Variants in GEN1 observed in about 807,000 individuals in gnomAD.
GEN1 encodes GEN1 structure-specific endonuclease.
A neutral mutation model predicts 67.6 loss-of-function variants in GEN1; 64 were observed. The ratio of observed to expected loss-of-function variants is 0.95; its 90% CI spans 0.77 to 1.17. The LOEUF is 1.17. GEN1 is among the 50% of genes most tolerant of loss of function. The pLI is 0.00. For synonymous variants in GEN1, 371 were observed against 359.4 expected, an observed-to-expected ratio of 1.03 and a Z score of -0.37; for missense variants, 1,058 against 1,048.3, an observed-to-expected ratio of 1.01 and a Z score of -0.13.
chr2:17,771,854 T>G (rs1388552593), intron 7 of GEN1, among the ~76,000 whole-genome samples: 1 of 151,706 alleles, frequency 6.6e-6, no homozygotes, highest in East Asian at 1.9e-4. Flanking sequence ...CAAAAGAGAT[T>G]AGGATATCAT....
At chr2:17,761,664 CT>C in intron 3 of GEN1, 82 bp downstream of exon 3, 2 of 927,730 alleles carry the variant, frequency 2.2e-6, no homozygotes, top group Non-Finnish European at 3.2e-6. Context: ...ATCTTTAATA[CT>C]TATTAATTTT....
In GEN1 at chr2:17,780,749, C is replaced by G. The variant is rs769165697; in HGVS notation, c.1537C>G (p.Pro513Ala). 1.2e-6 allele frequency: 2 copies of G among 1,613,912 alleles called. No individual in the cohort carries two copies. The highest frequency in any genetic ancestry group is 1.7e-5 in the Admixed American group (1 of 60,012). Residue 513 changes from proline to alanine, a missense_variant, in exon 14 of 14, where the codon CCT becomes GCT. Physicochemically the swap from Pro to Ala is conservative, Grantham distance 27. Coordinates refer to ENST00000381254, the MANE Select transcript of GEN1 (RefSeq NM_001130009.3). ...QNSKLNSGISPDPTLPQESIS... is the reference protein window; with the variant it reads ...QNSKLNSGISADPTLPQESIS... The stretch of plus-strand genomic sequence containing the variant: ...TTCCAAGTTAAATTCGGGGATTTCC[C>G]CTGATCCTACATTACCACAGGAATC...
chr2:17,757,261 TTTA>T (rs1671472319), intron 1 of GEN1, among the ~76,000 whole-genome samples: 1 of 151,926 alleles, frequency 6.6e-6, no homozygotes, highest in African/African-American at 2.4e-5. Context: ...TTTTTTTTTT[TTTA>T]GGCATGGCTG....
chr2:17,766,681 C>T lies in GEN1; in HGVS notation c.628C>T (p.Leu210Phe). Residue 210 changes from leucine (L) to phenylalanine (F), a missense_variant, in exon 5 of 14, where the codon CTC becomes TTC. By Grantham distance (22) the Leu-to-Phe change is conservative. Transcript: ENST00000381254. Reference protein sequence around the residue: ...GLAILLGCDYLPKGVPGVGKE... With the variant: ...GLAILLGCDYFPKGVPGVGKE... Reference sequence around the variant, plus strand: ...AGCAATACTTCTTGGCTGTGATTATCTCCCAAAGGTAAGCTGAAATTGTCA... The same window carrying T: ...AGCAATACTTCTTGGCTGTGATTATTTCCCAAAGGTAAGCTGAAATTGTCA... The T allele has an allele frequency of 1.3e-6, 2 of 1,555,694 alleles. No homozygotes were observed. The highest frequency in any genetic ancestry group is 1.8e-6 in the Non-Finnish European group (2 of 1,128,048).
chr2:17,753,393 G>T (rs1671191327), upstream of GEN1, among the ~76,000 whole-genome samples: 1 of 152,230 alleles, frequency 6.6e-6, no homozygotes, highest in African/African-American at 2.4e-5. Flanking sequence ...CAGGTTTCCC[G>T]CGGCTCAGGA....
intron 5 of GEN1, among the ~76,000 whole-genome samples, chr2:17,767,966 ACT>A (rs1672009103): frequency 6.6e-6 from 1 of 152,050 alleles, no homozygotes; most frequent in African/African-American, 2.4e-5. Context: ...TGTGCCATAG[ACT>A]CTCTTTTTAG....
chr2:17,780,545 GTTTAT>G (rs1440848235), intron 13 of GEN1, 71 bp from the exon 14 acceptor site: 1 of 985,466 alleles, frequency 1.0e-6, no homozygotes, highest in Non-Finnish European at 1.5e-6. Flanking sequence ...TCTCTGAACT[GTTTAT>G]TTTTTTATTT....
At chr2:17,767,714 C>T (rs992027686) in intron 5 of GEN1, among the ~76,000 whole-genome samples, 2 of 152,146 alleles carry the variant, frequency 1.3e-5, no homozygotes, top group Non-Finnish European at 2.9e-5. Context: ...ACTTTAGCTA[C>T]AGTGGTATTT....
chr2:17,767,916 A>G (rs537621122), intron 5 of GEN1, among the ~76,000 whole-genome samples: 11 of 152,366 alleles, frequency 7.2e-5, no homozygotes, highest in African/African-American at 2.6e-4. Context: ...TGCCAAAGAC[A>G]TAGGCAATAG....
In GEN1 at chr2:17,763,380, A is replaced by C. The variant is rs1466420046; in HGVS notation, c.349-1517A>C. On this transcript the variant is annotated intron_variant, in intron 3 of 13. Coordinates refer to ENST00000381254, the MANE Select transcript of GEN1 (RefSeq NM_001130009.3). ...GAACCAGCATAAAACAAAAAAAGAG[A>C]TGTCCATCTCTTCTTAAGAAAATTG... 2.0e-5 allele frequency among the ~76,000 whole-genome samples: 3 copies of C among 152,162 alleles called. No individual in the cohort carries two copies. The East Asian group carries it at 5.8e-4, about 29-fold the overall frequency.
chr2:17,767,693 C>T (rs960810528), intron 5 of GEN1, among the ~76,000 whole-genome samples: 1 of 152,146 alleles, frequency 6.6e-6, no homozygotes, highest in African/African-American at 2.4e-5. Flanking sequence ...GACTTGAACT[C>T]ACAGAAACCA....
At chr2:17,757,387 A>ATT (rs949938846) in intron 1 of GEN1, among the ~76,000 whole-genome samples, 186 of 144,914 alleles carry the variant, frequency 1.3e-3, no homozygotes, top group African/African-American at 4.6e-3. Flanking sequence ...TTGCTGTTTT[A>ATT]TTTTTTTTTT....
At chr2:17,772,573 G>A in intron 7 of GEN1, 61 bp from the exon 8 acceptor site, 2 of 1,457,556 alleles carry the variant, frequency 1.4e-6, no homozygotes, top group Non-Finnish European at 1.9e-6. Flanking sequence ...CAAAAAGAAT[G>A]TATGTAGAAA....
intron 10 of GEN1, among the ~76,000 whole-genome samples, chr2:17,773,699 A>G (rs923613291): frequency 1.3e-5 from 2 of 152,046 alleles, no homozygotes; most frequent in African/African-American, 4.8e-5. Context: ...GTGACCCTGG[A>G]TGTGTGTTAT....
In GEN1 at chr2:17,781,339, T is replaced by G. The variant is rs755974502; in HGVS notation, c.2127T>G (p.Ala709=). Residue 709 remains alanine, a synonymous_variant, in exon 14 of 14, where the codon GCT becomes GCG. Coordinates refer to ENST00000381254, the MANE Select transcript of GEN1 (RefSeq NM_001130009.3). The part of the protein sequence containing the change: ...SILSVKESCI[A]NSGSDCTSHL... ...TTAGTGTAAAAGAATCTTGTATTGC[T>G]AACAGTGGTTCTGATTGTACATCAC... 1 of 1,613,862 alleles carries G rather than the reference T, an allele frequency of 6.2e-7. No homozygotes were observed.
intron 1 of GEN1, among the ~76,000 whole-genome samples, chr2:17,756,784 T>C (rs1363832818): frequency 1.3e-5 from 2 of 152,202 alleles, no homozygotes; most frequent in Non-Finnish European, 2.9e-5. Flanking sequence ...CCTCATCACA[T>C]TGATTATGAC....
intron 6 of GEN1, among the ~76,000 whole-genome samples, chr2:17,769,051 A>G (rs1672062481): frequency 6.6e-6 from 1 of 151,916 alleles, no homozygotes; most frequent in Non-Finnish European, 1.5e-5. Context: ...ACAAGGTCTC[A>G]CTGTGTCGCC....
At position 17,766,620 on chromosome 2, in the gene GEN1, TA is replaced by T. The variant is rs1671948072; in HGVS notation, c.570del (p.Lys190AsnfsTer2). 1 of 1,609,380 alleles carries T rather than the reference TA, an allele frequency of 6.2e-7. No individual in the cohort carries two copies. The highest frequency in any genetic ancestry group is 1.3e-5 in the African/African-American group (1 of 74,904). On this transcript the variant is annotated frameshift_variant, in exon 5 of 14. Transcript: ENST00000381254. LOFTEE classifies it high-confidence loss of function. Reference sequence around the variant, plus strand: ...GTTACACAATGTCATCTATCAAGAGTAAACTAGGTTTGGATAGAGATGCTCT... The same window carrying T: ...GTTACACAATGTCATCTATCAAGAGTAACTAGGTTTGGATAGAGATGCTCT... ...DCYTMSSIKS[K>X]LGLDRDALVG...
At position 17,764,924 on chromosome 2, in the gene GEN1, A is replaced by G; in HGVS notation, c.376A>G (p.Ile126Val). 6.2e-7 allele frequency: 1 copy of G among 1,613,934 alleles called. No homozygotes were observed. Among genetic ancestry groups the G allele is most frequent in the Non-Finnish European group, 8.5e-7 (1 of 1,179,944 alleles). The change falls in exon 4 of 14, where the codon ATC becomes GTC. Residue 126 changes from isoleucine to valine, a missense_variant. Physicochemically the swap from Ile to Val is conservative, Grantham distance 29. Transcript: ENST00000381254. ...CCTCCATATGCTCGAATGCTTAGGAATCCCCTGGGTTCAGGCTGCTGGGGA... is the reference window on the plus strand; with the variant it reads ...CCTCCATATGCTCGAATGCTTAGGAGTCCCCTGGGTTCAGGCTGCTGGGGA... ...ECLHMLECLGIPWVQAAGEAE... is the reference protein window; with the variant it reads ...ECLHMLECLGVPWVQAAGEAE...
Sources: allele counts gnomAD v4.1 joint callset (sites outside exome capture counted in the v4.1 genomes callset), GRCh38; gene constraint gnomAD v4.1.1; transcripts MANE v1.5; gene names NCBI Gene and HGNC (gene_info 2026-07-23, HGNC 2026-07-21).